FGL1: variants seen among roughly 807,000 people sequenced by gnomAD.
The protein encoded by FGL1 is fibrinogen-like protein 1.
In FGL1, 59 loss-of-function variants were observed where a neutral mutation model predicts 43.7. The observed-to-expected ratio is 1.35, with a 90% CI of 1.10 to 1.68. The LOEUF is 1.68. FGL1 is among the 40% of genes most tolerant of loss of function. The probability of loss-of-function intolerance (pLI) is 0.00; values close to 1 mark genes in which losing one functional copy is unlikely to be tolerated. For missense variants in FGL1, 596 were observed against 373.0 expected (o/e 1.60, Z -4.92); for synonymous variants, 192 against 126.5 (o/e 1.52, Z -3.48).
chr8:17,865,337 T>C (rs898604834), intron 7 of FGL1, among the ~76,000 whole-genome samples: 3 of 152,152 alleles, frequency 2.0e-5, no homozygotes, highest in Admixed American at 1.3e-4. Context: ...GTGGGCAAGG[T>C]GCTCTACTAC....
chr8:17,873,988 T>G (rs1211164230), intron 5 of FGL1, 31 bp downstream of exon 5: 1 of 1,480,514 alleles, frequency 6.8e-7, no homozygotes, highest in Non-Finnish European at 9.1e-7. Flanking sequence ...TTATTATATT[T>G]CAAATAAATC....
At chr8:17,873,754 A>G (rs1357092926) in intron 5 of FGL1, among the ~76,000 whole-genome samples, 1 of 150,032 alleles carries the variant, frequency 6.7e-6, no homozygotes, top group Admixed American at 6.7e-5. Flanking sequence ...TATAGAATGT[A>G]TATATATCTA....
At chr8:17,882,962 A>G (rs2053564592) in intron 2 of FGL1, among the ~76,000 whole-genome samples, 1 of 101,364 alleles carries the variant, frequency 9.9e-6, no homozygotes, top group South Asian at 2.9e-4. Flanking sequence ...AATATATATC[A>G]TATATAATAT....
intron 3 of FGL1, among the ~76,000 whole-genome samples, chr8:17,875,675 G>C (rs1416049995): frequency 6.6e-6 from 1 of 151,390 alleles, no homozygotes; most frequent in East Asian, 1.9e-4. Context: ...TGCTATTTCG[G>C]CTCACTACAA....
chr8:17,872,211 T>A (rs1426115018), intron 5 of FGL1, among the ~76,000 whole-genome samples: 2 of 152,064 alleles, frequency 1.3e-5, no homozygotes, highest in Non-Finnish European at 2.9e-5. Context: ...AAGAACTTTA[T>A]AACCATAAGC....
rs535448282 is a variant in FGL1, at chr8:17,893,737, T to C, written c.-18+1710A>G. Among the ~76,000 whole-genome samples the C allele has an allele frequency of 2.7e-5, 4 of 147,466 alleles. 1 individual carries two copies. The highest frequency in any genetic ancestry group is 6.6e-5 in the Admixed American group (1 of 15,052). On this transcript the variant is annotated intron_variant, in intron 1 of 7. Coordinates refer to ENST00000427924, the MANE Select transcript of FGL1 (RefSeq NM_004467.4). ...TTTCCATTTTCCTCCTTTGCAATTC[T>C]AACCAACATTCTCTGTAATATTGAA...
chr8:17,888,667 T>G (rs1033221859), intron 1 of FGL1, among the ~76,000 whole-genome samples: 7 of 152,178 alleles, frequency 4.6e-5, no homozygotes, highest in African/African-American at 1.7e-4. Context: ...GTGGCTGAAT[T>G]TTTTCAACAT....
At chr8:17,873,549 T>C (rs1282590441) in intron 5 of FGL1, among the ~76,000 whole-genome samples, 1 of 152,072 alleles carries the variant, frequency 6.6e-6, no homozygotes, top group Non-Finnish European at 1.5e-5. Flanking sequence ...AGAGGATTGT[T>C]ACACGTTATT....
intron 3 of FGL1, 125 bp downstream of exon 3, chr8:17,881,874 C>A (rs1166284213): frequency 1.5e-5 from 10 of 685,268 alleles, no homozygotes; most frequent in Middle Eastern, 2.9e-4. Flanking sequence ...AAGACATTTA[C>A]AATAGATATA....
At chr8:17,874,173 GACC>G (rs988055954) in intron 4 of FGL1, 57 bp from the exon 5 acceptor site, 169 of 1,434,112 alleles carry the variant, frequency 1.2e-4, no homozygotes, top group Admixed American at 4.0e-4. Flanking sequence ...GTACCAAAGC[GACC>G]ACCACCCACC....
chr8:17,864,813 C>T (rs2053245803), intron 7 of FGL1, 62 bp from the exon 8 acceptor site: 1 of 1,300,286 alleles, frequency 7.7e-7, no homozygotes. Context: ...TGTTCAGAAT[C>T]CCTTTTATTT....
chr8:17,882,745 T>C (rs960709817), intron 2 of FGL1: 4 of 134,796 alleles, frequency 3.0e-5, no homozygotes, highest in Non-Finnish European at 6.2e-5. Context: ...AAATAATATA[T>C]AATATATATA....
In FGL1 at chr8:17,881,828, C is replaced by T. The variant is rs570797797; in HGVS notation, c.244+171G>A. Among the ~76,000 whole-genome samples the T allele has an allele frequency of 9.4e-4, 124 of 132,344 alleles. 1 individual carries two copies. The highest frequency in any genetic ancestry group is 9.6e-4 in the Non-Finnish European group (63 of 65,918). 86.8% of individuals were successfully genotyped at this position (132,344 alleles called of 152,430 possible). ...CTGCCTGGGCGACAGAGCAAGACTC[C>T]GCCTCAAAAAAAAAAAAAAAAGTAA... On this transcript the variant is annotated intron_variant, in intron 3 of 7. Transcript: ENST00000427924.
At chr8:17,885,112 T>C (rs2131736176) in intron 2 of FGL1, among the ~76,000 whole-genome samples, 1 of 151,956 alleles carries the variant, frequency 6.6e-6, no homozygotes, top group South Asian at 2.1e-4. Context: ...ATGATCTCAG[T>C]TCACTGCAAT....
chr8:17,883,419 A>G (rs1453337284), intron 2 of FGL1, among the ~76,000 whole-genome samples: 2 of 117,250 alleles, frequency 1.7e-5, no homozygotes, highest in African/African-American at 6.9e-5. Flanking sequence ...ATTACAAAAT[A>G]TATAATATGA....
chr8:17,885,811 C>G (rs986086990), intron 1 of FGL1: 19 of 456,490 alleles, frequency 4.2e-5, no homozygotes, highest in Non-Finnish European at 7.1e-5. Flanking sequence ...GTTCTTTTCG[C>G]TATCCTAATG....
chr8:17,874,767 A>T, intron 3 of FGL1: 1 of 308,340 alleles, frequency 3.2e-6, no homozygotes, highest in Non-Finnish European at 5.9e-6. Context: ...GTGAAATAAG[A>T]ATCTAGTTTT....
intron 3 of FGL1, among the ~76,000 whole-genome samples, chr8:17,879,482 G>A (rs1010048353): frequency 1.3e-5 from 2 of 152,092 alleles, no homozygotes; most frequent in Admixed American, 6.6e-5. Flanking sequence ...GCTCATGGGG[G>A]TGGAGTTGTC....
intron 7 of FGL1, among the ~76,000 whole-genome samples, chr8:17,866,964 T>A (rs991146331): frequency 1.2e-4 from 19 of 152,178 alleles, no homozygotes; most frequent in African/African-American, 4.6e-4. Flanking sequence ...AACACCATCA[T>A]CACCTTCAAT....
Sources: gnomAD v4.1 joint callset for allele counts (sites outside exome capture counted in the v4.1 genomes callset) on GRCh38, gnomAD v4.1.1 for gene constraint, MANE v1.5 for transcripts, NCBI Gene and HGNC (gene_info 2026-07-23, HGNC 2026-07-21) for gene names.